The following CACNA2D1 variants were observed in gnomAD, a reference collection of about 807,000 sequenced individuals.
CACNA2D1 encodes voltage-dependent calcium channel subunit alpha-2/delta-1.
CACNA2D1 carries 53 observed loss-of-function variants against 171.5 expected under a neutral mutation model. That is an observed-to-expected ratio of 0.31 (90% confidence interval 0.25 to 0.39). The LOEUF is 0.39. CACNA2D1 is among the 10% of genes least tolerant of loss of function. CACNA2D1 has a pLI of 1.00. For missense variants in CACNA2D1, 903 were observed against 1,299.8 expected (o/e 0.69, Z 4.69); for synonymous variants, 442 against 443.1 (o/e 1.00, Z 0.03).
rs984574032 is a variant in CACNA2D1, at chr7:82,292,051, T to C, written c.294+43084A>G. On this transcript the variant is annotated intron_variant, in intron 3 of 38. Coordinates refer to ENST00000356860, the MANE Select transcript of CACNA2D1 (RefSeq NM_000722.4). ...TCTTCCTCAATTTTTCCAGTTTAGC[T>C]AGTGGCAACTTTTAGGTAGTTCTAT... Among the ~76,000 whole-genome samples the C allele has an allele frequency of 2.6e-5, 4 of 151,992 alleles. 1 individual carries two copies. In the East Asian group the frequency reaches 5.8e-4, roughly 22 times the overall value.
chr7:82,269,397 A>T (rs1242742123), intron 3 of CACNA2D1, among the ~76,000 whole-genome samples: 1 of 152,172 alleles, frequency 6.6e-6, no homozygotes, highest in African/African-American at 2.4e-5. Flanking sequence ...AAGACCCTTC[A>T]TTACTGTCCT....
intron 1 of CACNA2D1, among the ~76,000 whole-genome samples, chr7:82,407,472 T>C (rs570364386): frequency 6.6e-6 from 1 of 152,288 alleles, no homozygotes; most frequent in Admixed American, 6.5e-5. Context: ...TGCACATTGG[T>C]CACAAAAATG....
chr7:82,104,555 T>C (rs1813082481), intron 6 of CACNA2D1, among the ~76,000 whole-genome samples: 3 of 152,028 alleles, frequency 2.0e-5, no homozygotes, highest in Admixed American at 2.0e-4. Context: ...CCGTTTTCCT[T>C]TTATAGTTTA....
chr7:82,009,349 T>A (rs1048693674), intron 15 of CACNA2D1: 18 of 152,252 alleles, frequency 1.2e-4, no homozygotes, highest in African/African-American at 4.3e-4. Context: ...CATACAGTGA[T>A]AGACACATGT....
At chr7:82,067,500 G>T (rs748457956) in intron 7 of CACNA2D1, among the ~76,000 whole-genome samples, 58 of 152,216 alleles carry the variant, frequency 3.8e-4, no homozygotes, top group Non-Finnish European at 3.1e-4. Context: ...TATATACAAT[G>T]AAACTCTTCC....
intron 1 of CACNA2D1, among the ~76,000 whole-genome samples, chr7:82,392,815 G>T (rs1453140497): frequency 1.3e-5 from 2 of 152,020 alleles, no homozygotes; most frequent in Non-Finnish European, 2.9e-5. Flanking sequence ...ATTCCAATTA[G>T]AAATATGTTG....
At chr7:81,970,292 T>G (rs1795135560) in intron 27 of CACNA2D1, among the ~76,000 whole-genome samples, 1 of 151,426 alleles carries the variant, frequency 6.6e-6, no homozygotes, top group Non-Finnish European at 1.5e-5. Context: ...CTTCATGGAC[T>G]GTTACGAAGA....
intron 1 of CACNA2D1, among the ~76,000 whole-genome samples, chr7:82,372,531 G>A (rs1176098627): frequency 7.6e-6 from 1 of 131,100 alleles, no homozygotes; most frequent in African/African-American, 2.6e-5. Context: ...TTACAAAACT[G>A]AGTAGTACAA....
At chr7:82,411,186 A>G (rs1178309104) in intron 1 of CACNA2D1, among the ~76,000 whole-genome samples, 1 of 152,150 alleles carries the variant, frequency 6.6e-6, no homozygotes, top group South Asian at 2.1e-4. Flanking sequence ...CATATTTATT[A>G]TAAATGTTAT....
intron 3 of CACNA2D1, among the ~76,000 whole-genome samples, chr7:82,269,946 T>G (rs1416915028): frequency 2.0e-5 from 3 of 152,160 alleles, no homozygotes; most frequent in African/African-American, 4.8e-5. Flanking sequence ...CTCCAATGTT[T>G]TTCTATGTTG....
intron 21 of CACNA2D1, among the ~76,000 whole-genome samples, chr7:81,987,351 G>A (rs748433269): frequency 1.3e-5 from 2 of 152,128 alleles, no homozygotes; most frequent in Non-Finnish European, 2.9e-5. Context: ...AGAGATTAAA[G>A]TTTAATAAAG....
rs1241352390 is a variant in CACNA2D1, at chr7:82,142,095, G to A, written c.355-5419C>T. 3.3e-5 allele frequency among the ~76,000 whole-genome samples: 5 copies of A among 152,294 alleles called. No homozygotes were observed. In the South Asian group the frequency reaches 6.2e-4, roughly 19 times the overall value. On this transcript the variant is annotated intron_variant, in intron 4 of 38. Coordinates refer to ENST00000356860, the MANE Select transcript of CACNA2D1 (RefSeq NM_000722.4). The stretch of plus-strand genomic sequence containing the variant: ...TCAAGGCATTATGTGCAGTATGATA[G>A]AATAAAGTCAGCAACAGCTTCAAAC...
At chr7:82,308,942 G>T (rs1449310698) in intron 3 of CACNA2D1, among the ~76,000 whole-genome samples, 1 of 152,194 alleles carries the variant, frequency 6.6e-6, no homozygotes, top group Admixed American at 6.5e-5. Context: ...AAGATTGATG[G>T]TCTAAATCGG....
intron 1 of CACNA2D1, among the ~76,000 whole-genome samples, chr7:82,435,590 C>T (rs1830053381): frequency 1.3e-5 from 2 of 152,270 alleles, no homozygotes; most frequent in Non-Finnish European, 2.9e-5. Context: ...ATACCTGCTT[C>T]ACCTTCTCAC....
At chr7:82,301,782 G>A (rs2129425628) in intron 3 of CACNA2D1, among the ~76,000 whole-genome samples, 1 of 148,768 alleles carries the variant, frequency 6.7e-6, no homozygotes, top group African/African-American at 2.6e-5. Context: ...CATAGAGAGA[G>A]AGAGACAGAG....
chr7:82,107,574 A>T (rs1453927327), intron 6 of CACNA2D1, among the ~76,000 whole-genome samples: 1 of 141,096 alleles, frequency 7.1e-6, no homozygotes, highest in Admixed American at 7.3e-5. Context: ...TCACTATTAC[A>T]ATGAAAATAA....
chr7:82,137,630 G>A (rs887237582), intron 4 of CACNA2D1, among the ~76,000 whole-genome samples: 1 of 151,068 alleles, frequency 6.6e-6, no homozygotes, highest in Admixed American at 6.6e-5. Flanking sequence ...CCAGCACTTC[G>A]GGAGGCCGAG....
chr7:82,217,402 T>C lies in CACNA2D1; in HGVS notation c.295-46793A>G, dbSNP rs1225164497. Among the ~76,000 whole-genome samples the C allele has an allele frequency of 7.8e-4, 25 of 32,090 alleles. 1 individual carries two copies. The highest frequency in any genetic ancestry group is 2.0e-3 in the Non-Finnish European group (19 of 9,336). The allele number at this position is 32,090 out of a possible 152,430, so 21.1% of individuals were successfully genotyped here. A position where few individuals can be genotyped will look rare whatever the true frequency, so the allele number is the denominator to read the frequency against. On this transcript the variant is annotated intron_variant, in intron 3 of 38. Coordinates refer to ENST00000356860, the MANE Select transcript of CACNA2D1 (RefSeq NM_000722.4). ...ATACACACACACACATACATATATA[T>C]ATATATATATATATATATATATATC...
At chr7:82,264,988 G>A (rs1225568055) in intron 3 of CACNA2D1, among the ~76,000 whole-genome samples, 1 of 152,108 alleles carries the variant, frequency 6.6e-6, no homozygotes, top group Admixed American at 6.5e-5. Flanking sequence ...TCATATCACT[G>A]CAATGACACA....
Sources: allele counts gnomAD v4.1 joint callset (sites outside exome capture counted in the v4.1 genomes callset), GRCh38; gene constraint gnomAD v4.1.1; transcripts MANE v1.5; gene names NCBI Gene and HGNC (gene_info 2026-07-23, HGNC 2026-07-21).